Variants in LRRK1 observed in about 807,000 individuals in gnomAD.
The protein encoded by LRRK1 is leucine rich repeat kinase 1, also known as leucine-rich repeat serine/threonine-protein kinase 1.
LRRK1 carries 113 observed loss-of-function variants against 209.1 expected under a neutral mutation model. The observed-to-expected ratio is 0.54, with a 90% confidence interval of 0.46 to 0.63. The LOEUF (loss-of-function observed/expected upper bound fraction) is 0.63. LRRK1 is among the 30% of genes least tolerant of loss of function. The probability of loss-of-function intolerance (pLI) is 0.00; values close to 1 mark genes in which losing one functional copy is unlikely to be tolerated. For synonymous variants in LRRK1, 1,144 were observed against 1,099.7 expected (o/e 1.04, Z -0.80); for missense variants, 2,284 against 2,632.2 (o/e 0.87, Z 2.89).
At chr15:100,928,676 G>T (rs2042156342) in intron 2 of LRRK1, among the ~76,000 whole-genome samples, 1 of 152,034 alleles carries the variant, frequency 6.6e-6, no homozygotes, top group African/African-American at 2.4e-5. Flanking sequence ...CTTGGGTGTT[G>T]GGGTAATGGT....
intron 2 of LRRK1, among the ~76,000 whole-genome samples, chr15:100,963,184 G>A (rs1374353015): frequency 1.3e-5 from 2 of 151,816 alleles, no homozygotes; most frequent in Non-Finnish European, 2.9e-5. Flanking sequence ...GGTTTGTCAC[G>A]GCCTCTGTCC....
chr15:100,976,033 T>C (rs1034978387), intron 3 of LRRK1, among the ~76,000 whole-genome samples: 2 of 151,986 alleles, frequency 1.3e-5, no homozygotes, highest in Non-Finnish European at 2.9e-5. Context: ...AAAAACATAA[T>C]AAGAGAATGT....
At chr15:101,033,930 T>C (rs991013363) in intron 20 of LRRK1, among the ~76,000 whole-genome samples, 5 of 152,154 alleles carry the variant, frequency 3.3e-5, no homozygotes, top group African/African-American at 1.2e-4. Context: ...CCAGCATCTG[T>C]TATTTTTTGG....
In LRRK1 at chr15:101,052,998, G is replaced by A. The variant is rs758309073; in HGVS notation, c.3766G>A (p.Val1256Ile). The A allele has an allele frequency of 1.1e-5, 17 of 1,613,012 alleles. No individual in the cohort carries two copies. The highest frequency in any genetic ancestry group is 2.2e-5 in the East Asian group (1 of 44,848). ...SVLGQGGSGTVIYRARYQGQP... is the reference protein window; with the variant it reads ...SVLGQGGSGTIIYRARYQGQP... ...CCTGGGCCAGGGCGGCAGTGGCACC[G>A]TCATCTACCGGGCCCGGTACCAGGG... Residue 1256 changes from valine to isoleucine, a missense_variant, in exon 25 of 34, where the codon GTC (valine) becomes ATC (isoleucine). Physicochemically the swap from Val to Ile is conservative, Grantham distance 29 (BLOSUM62 3). This residue lies in a region of LRRK1 where 780 missense variants were observed against 985.2 expected (regional missense o/e 0.79). Coordinates refer to ENST00000388948, the MANE Select transcript of LRRK1 (RefSeq NM_024652.6).
chr15:101,027,025 TTCC>T lies in LRRK1; in HGVS notation c.2406-229_2406-227del, dbSNP rs2141102104. ...TCTCGGTGTACCTCTGCACCTCACT[TTCC>T]TCCTCCGTGAAGTGCCATGTTTAGT... On this transcript the variant is annotated intron_variant, in intron 17 of 33. Coordinates refer to ENST00000388948, the MANE Select transcript of LRRK1 (RefSeq NM_024652.6). The surrounding 1 kb of genome is among the most constrained non-coding windows in gnomAD (Gnocchi z 5.1). Among the ~76,000 whole-genome samples, 1 of 152,134 alleles carries T rather than the reference TTCC, an allele frequency of 6.6e-6. No homozygotes were observed. The highest frequency in any genetic ancestry group is 2.1e-4 in the South Asian group (1 of 4,826).
chr15:101,033,119 C>G (rs2034353085), intron 20 of LRRK1, among the ~76,000 whole-genome samples: 1 of 152,170 alleles, frequency 6.6e-6, no homozygotes, highest in Admixed American at 6.5e-5. Flanking sequence ...GTCTCTAGAG[C>G]TGCATTTCTT....
At chr15:100,937,364 C>T (rs1289744654) in intron 2 of LRRK1, among the ~76,000 whole-genome samples, 1 of 152,090 alleles carries the variant, frequency 6.6e-6, no homozygotes, top group Non-Finnish European at 1.5e-5. Context: ...ATCAGGGCTA[C>T]TATTTAGTTC....
intron 3 of LRRK1, among the ~76,000 whole-genome samples, chr15:100,976,976 C>G (rs189829859): frequency 2.0e-5 from 3 of 152,314 alleles, no homozygotes; most frequent in Middle Eastern, 6.8e-3. Flanking sequence ...TTACTTTGCC[C>G]TCTTCTTCTC....
rs935524156 is a variant in LRRK1, at chr15:100,999,534, C to T, written c.763-9303C>T. ...TTTGTTGCAGTTTTGTATCCATGTG[C>T]GTACATGTAATTGGGCTGGAATTTT... On this transcript the variant is annotated intron_variant, in intron 6 of 33. Coordinates refer to ENST00000388948, the MANE Select transcript of LRRK1 (RefSeq NM_024652.6). Among the ~76,000 whole-genome samples, 10 of 152,218 alleles carry T rather than the reference C, an allele frequency of 6.6e-5. No homozygotes were observed. The South Asian group carries it at 1.2e-3, about 19-fold the overall frequency.
intron 31 of LRRK1, among the ~76,000 whole-genome samples, chr15:101,063,427 G>GTTC (rs1567286576): frequency 6.6e-6 from 1 of 152,200 alleles, no homozygotes; most frequent in African/African-American, 2.4e-5. Flanking sequence ...CTCCGATTCA[G>GTTC]TTCTCAAGAC....
chr15:100,981,498 C>T (rs538076460), intron 3 of LRRK1, among the ~76,000 whole-genome samples: 6 of 152,298 alleles, frequency 3.9e-5, no homozygotes, highest in East Asian at 1.9e-4. Flanking sequence ...CCTCTCCTCA[C>T]GTGTCAGACA....
chr15:101,062,720 G>A, intron 31 of LRRK1, 30 bp downstream of exon 31: 1 of 1,503,126 alleles, frequency 6.7e-7, no homozygotes, highest in Non-Finnish European at 9.3e-7. Flanking sequence ...AGGTATGCAG[G>A]TCTCTGATGC....
chr15:101,011,841 C>G (rs1461971626), intron 9 of LRRK1, among the ~76,000 whole-genome samples, 167 bp from the exon 10 acceptor site: 1 of 152,156 alleles, frequency 6.6e-6, no homozygotes, highest in Non-Finnish European at 1.5e-5. Flanking sequence ...GGCGGGAGGA[C>G]AAGGACAGTG....
In LRRK1 at chr15:100,973,853, A is replaced by G; in HGVS notation, c.147A>G (p.Ala49=). 7.7e-7 allele frequency: 1 copy of G among 1,291,794 alleles called. No individual in the cohort carries two copies. The allele number at this position is 1,291,794 out of a possible 1,614,324, so 80.0% of individuals were successfully genotyped here. A position where few individuals can be genotyped will look rare whatever the true frequency, so the allele number is the denominator to read the frequency against. ...CGTCCACGCGGGGCGGTGACCCTGC[A>G]GCGCGGTCCCGCAGGACGGAAGGCA... is the stretch of plus-strand genomic sequence containing the variant. ...GKPSTRGGDP[A]ARSRRTEGIR... Residue 49 remains alanine, a synonymous_variant, in exon 3 of 34, where the codon GCA becomes GCG. Transcript: ENST00000388948.
intron 3 of LRRK1, 127 bp downstream of exon 3, chr15:100,974,094 C>T (rs1213562667): frequency 1.8e-5 from 14 of 770,788 alleles, no homozygotes; most frequent in Non-Finnish European, 1.8e-5. Flanking sequence ...GGAAACGCCT[C>T]GCTTTGCGTA....
intron 3 of LRRK1, among the ~76,000 whole-genome samples, chr15:100,981,151 C>T (rs1420450024): frequency 6.6e-6 from 1 of 152,154 alleles, no homozygotes; most frequent in Non-Finnish European, 1.5e-5. Context: ...TTCAAATACT[C>T]ACTATGGAGC....
At chr15:100,982,962 C>T (rs1311683655) in intron 3 of LRRK1, among the ~76,000 whole-genome samples, 1 of 152,178 alleles carries the variant, frequency 6.6e-6, no homozygotes, top group East Asian at 1.9e-4. Flanking sequence ...CAGTTGAGCT[C>T]AGAAGTTCGA....
Position 101,071,247 on chromosome 15 carries a change from C to T in LRRK1, c.*2399C>T, listed in dbSNP as rs759452549. On this transcript the variant is annotated 3_prime_UTR_variant, in exon 34 of 34. Transcript: ENST00000388948. Reference sequence around the variant, plus strand: ...GACCCTGTCAACATCAGCTGGACCACAGGCATCTCAGATAGATGTCACTTA... The same window carrying T: ...GACCCTGTCAACATCAGCTGGACCATAGGCATCTCAGATAGATGTCACTTA... 2.0e-5 allele frequency: 3 copies of T among 152,330 alleles called. No homozygotes were observed. Among genetic ancestry groups the T allele is most frequent in the African/African-American group, 7.2e-5 (3 of 41,458 alleles). The allele number at this position is 152,330 out of a possible 1,614,324, so 9.4% of individuals were successfully genotyped here.
In LRRK1 at chr15:101,021,948, C is replaced by G. The variant is rs1412937940; in HGVS notation, c.1843C>G (p.Gln615Glu). The G allele has an allele frequency of 3.1e-6, 5 of 1,611,972 alleles. No homozygotes were observed. Among genetic ancestry groups the G allele is most frequent in the Non-Finnish European group, 3.4e-6 (4 of 1,178,428 alleles). The change falls in exon 14 of 34, where the codon CAA becomes GAA. Residue 615 changes from glutamine to glutamate, a missense_variant. Coordinates refer to ENST00000388948, the MANE Select transcript of LRRK1 (RefSeq NM_024652.6). ...LTISNVPAEI[Q>E]KEGPKAMLSY... ...CATCAGCAATGTGCCTGCAGAAATC[C>G]AAAAAGAAGGTAGGGCTTCCGCAGC... is the stretch of plus-strand genomic sequence containing the variant.
Sources: allele counts gnomAD v4.1 joint callset (sites outside exome capture counted in the v4.1 genomes callset), GRCh38; gene constraint gnomAD v4.1.1; regional missense constraint gnomAD v4.1.1; non-coding constraint Gnocchi (gnomAD v3.1); transcripts MANE v1.5; gene names NCBI Gene and HGNC (gene_info 2026-07-23, HGNC 2026-07-21).